Variants in HSD17B12 observed in about 807,000 individuals in gnomAD.
HSD17B12 encodes the protein hydroxysteroid 17-beta dehydrogenase 12.
A neutral mutation model predicts 39.3 loss-of-function variants in HSD17B12; 32 were observed. That is an observed-to-expected ratio of 0.81 (90% confidence interval 0.61 to 1.09). The LOEUF is 1.09. HSD17B12 is among the 50% of genes least tolerant of loss of function. HSD17B12 has a pLI of 0.00. For missense variants in HSD17B12, 342 were observed against 382.9 expected (o/e 0.89, Z 0.89); for synonymous variants, 150 against 146.7 (o/e 1.02, Z -0.16).
At chr11:43,822,735 T>G (rs927352264) in intron 6 of HSD17B12, among the ~76,000 whole-genome samples, 2 of 152,236 alleles carry the variant, frequency 1.3e-5, no homozygotes, top group African/African-American at 4.8e-5. Flanking sequence ...CTATCATTGT[T>G]GGACATTTGG....
At chr11:43,717,492 T>A (rs1223916083) in intron 1 of HSD17B12, among the ~76,000 whole-genome samples, 1 of 152,168 alleles carries the variant, frequency 6.6e-6, no homozygotes, top group Non-Finnish European at 1.5e-5. Flanking sequence ...TTAAAAAAAA[T>A]TATTGCTTAT....
At chr11:43,713,008 A>G (rs1170917356) in intron 1 of HSD17B12, among the ~76,000 whole-genome samples, 2 of 152,220 alleles carry the variant, frequency 1.3e-5, no homozygotes, top group East Asian at 3.9e-4. Flanking sequence ...TATTAGAAAA[A>G]TTCAGTAATT....
intron 1 of HSD17B12, among the ~76,000 whole-genome samples, chr11:43,710,444 G>T (rs1950054411): frequency 6.6e-6 from 1 of 152,152 alleles, no homozygotes; most frequent in Non-Finnish European, 1.5e-5. Flanking sequence ...ATATCTCAGA[G>T]ACACTGCCAG....
intron 4 of HSD17B12, among the ~76,000 whole-genome samples, chr11:43,809,583 C>A (rs1267410742): frequency 2.0e-5 from 3 of 152,156 alleles, no homozygotes; most frequent in African/African-American, 7.2e-5. Flanking sequence ...CTTTGGGAGG[C>A]CAAGGCAGGC....
chr11:43,748,623 AAAAC>A (rs1950437588), intron 1 of HSD17B12, among the ~76,000 whole-genome samples: 1 of 152,214 alleles, frequency 6.6e-6, no homozygotes, highest in Admixed American at 6.5e-5. Flanking sequence ...TGAAATTAAA[AAAAC>A]AAAAACAAAA....
intron 6 of HSD17B12, among the ~76,000 whole-genome samples, chr11:43,826,829 T>C (rs1951247174): frequency 1.3e-5 from 2 of 152,246 alleles, no homozygotes. Flanking sequence ...AAATGTGTGC[T>C]GTGTCATTGT....
At chr11:43,777,446 AC>A (rs1950717768) in intron 3 of HSD17B12, among the ~76,000 whole-genome samples, 1 of 152,222 alleles carries the variant, frequency 6.6e-6, no homozygotes, top group African/African-American at 2.4e-5. Context: ...TGATTTTTGC[AC>A]ATTGATTTTG....
rs1016997081 is a variant in HSD17B12 at position 43,855,399 on chromosome 11, T to C, written c.*151T>C. 1 of 471,894 alleles carries C rather than the reference T, an allele frequency of 2.1e-6. No individual in the cohort carries two copies. The highest frequency in any genetic ancestry group is 3.7e-6 in the Non-Finnish European group (1 of 270,178). 29.2% of individuals were successfully genotyped at this position (471,894 alleles called of 1,614,324 possible). A position where few individuals can be genotyped will look rare whatever the true frequency, so the allele number is the denominator to read the frequency against. On this transcript the variant is annotated 3_prime_UTR_variant, in exon 11 of 11. Transcript: ENST00000278353. ...TCTTAATTAAGAGGAAAATAGAAGTTGCTTTTAGGGGTTTCTGACATATAT... is the reference window on the plus strand; with the variant it reads ...TCTTAATTAAGAGGAAAATAGAAGTCGCTTTTAGGGGTTTCTGACATATAT...
the HSD17B12 span, among the ~76,000 whole-genome samples, chr11:43,625,463 A>C: frequency 6.6e-6 from 1 of 151,440 alleles, no homozygotes; most frequent in Non-Finnish European, 1.5e-5. Context: ...CTGAAACATT[A>C]AACTTTGATT....
chr11:43,622,120 C>T, the HSD17B12 span, among the ~76,000 whole-genome samples: 7 of 152,126 alleles, frequency 4.6e-5, no homozygotes, highest in Non-Finnish European at 1.0e-4. Flanking sequence ...GCACCCTAAA[C>T]GATTTGAAGT....
chr11:43,791,443 A>T (rs981638684), intron 3 of HSD17B12, among the ~76,000 whole-genome samples: 1 of 151,960 alleles, frequency 6.6e-6, no homozygotes, highest in African/African-American at 2.4e-5. Context: ...GAGGCAAGAG[A>T]ATCTCTTGAA....
At chr11:43,783,454 T>G (rs904777369) in intron 3 of HSD17B12, among the ~76,000 whole-genome samples, 1 of 151,678 alleles carries the variant, frequency 6.6e-6, no homozygotes, top group Non-Finnish European at 1.5e-5. Context: ...GGGATACACG[T>G]GCAGAACATG....
chr11:43,631,256 AT>A, the HSD17B12 span, among the ~76,000 whole-genome samples: 1 of 152,180 alleles, frequency 6.6e-6, no homozygotes, highest in Non-Finnish European at 1.5e-5. Context: ...GAAAACTAAG[AT>A]TTTTTGAAGA....
rs1950241904 is a variant in HSD17B12, at chr11:43,728,596, A to G, written c.161-22315A>G. ...TTTTTTCCCAAAACAAAAAATGGCT[A>G]CTGTACTTGTTACTCCTCCCACTGT... On this transcript the variant is annotated intron_variant, in intron 1 of 10. Transcript: ENST00000278353. Among the ~76,000 whole-genome samples the G allele has an allele frequency of 2.6e-5, 4 of 152,174 alleles. 1 individual carries two copies. The South Asian group carries it at 8.3e-4, about 32-fold the overall frequency.
chr11:43,745,245 C>T (rs1404773971), intron 1 of HSD17B12, among the ~76,000 whole-genome samples: 2 of 152,032 alleles, frequency 1.3e-5, no homozygotes, highest in African/African-American at 4.8e-5. Context: ...TTAGATCAGC[C>T]CAAAGTTGGC....
the HSD17B12 span, among the ~76,000 whole-genome samples, chr11:43,651,325 A>G: frequency 6.6e-6 from 1 of 152,188 alleles, no homozygotes; most frequent in African/African-American, 2.4e-5. Flanking sequence ...AGGTCAAACA[A>G]TACTCCCTCA....
the HSD17B12 span, among the ~76,000 whole-genome samples, chr11:43,565,126 C>T: frequency 6.6e-6 from 1 of 152,138 alleles, no homozygotes; most frequent in Non-Finnish European, 1.5e-5. Context: ...TCTTGAACTC[C>T]TGACCTCAAG....
chr11:43,716,874 G>A (rs988452887), intron 1 of HSD17B12, among the ~76,000 whole-genome samples: 1 of 151,624 alleles, frequency 6.6e-6, no homozygotes, highest in Admixed American at 6.6e-5. Flanking sequence ...AGGTGCCCCA[G>A]AAGAGGATAT....
intron 3 of HSD17B12, among the ~76,000 whole-genome samples, chr11:43,791,941 A>G (rs975119611): frequency 6.6e-6 from 1 of 152,218 alleles, no homozygotes; most frequent in Non-Finnish European, 1.5e-5. Flanking sequence ...TGAGATTAAA[A>G]TTGTCATGAA....
Sources: gnomAD v4.1 joint callset for allele counts (sites outside exome capture counted in the v4.1 genomes callset) on GRCh38, gnomAD v4.1.1 for gene constraint, MANE v1.5 for transcripts, NCBI Gene and HGNC (gene_info 2026-07-23, HGNC 2026-07-21) for gene names.